Variants in PCDHGA2 observed in about 807,000 individuals in gnomAD.
The protein encoded by PCDHGA2 is protocadherin gamma-A2.
A neutral mutation model predicts 59.2 loss-of-function variants in PCDHGA2; 40 were observed. That is an observed-to-expected ratio of 0.68 (90% confidence interval 0.52 to 0.88). The LOEUF is 0.88. PCDHGA2 is among the 40% of genes least tolerant of loss of function. The pLI is 0.00. For synonymous variants in PCDHGA2, 560 were observed against 526.0 expected (o/e 1.06, Z -0.89); for missense variants, 1,226 against 1,204.0 (o/e 1.02, Z -0.27).
intron 1 of PCDHGA2, chr5:141,362,646 A>G: frequency 1.4e-6 from 2 of 1,452,328 alleles, no homozygotes; most frequent in Non-Finnish European, 1.8e-6. Context: ...TTTGTCTGTG[A>G]GTTAGATTTG....
intron 1 of PCDHGA2, chr5:141,414,963 G>T (rs2095808106): frequency 1.1e-5 from 17 of 1,614,006 alleles, no homozygotes; most frequent in Non-Finnish European, 1.4e-5. Context: ...CCAAGGTGGT[G>T]GCGGTGGACA....
At chr5:141,375,777 C>T in intron 1 of PCDHGA2, 1 of 1,614,250 alleles carries the variant, frequency 6.2e-7, no homozygotes, top group African/African-American at 1.3e-5. Flanking sequence ...ATCCTGTACC[C>T]CGCCCTCCCC....
chr5:141,390,098 C>A (rs2092044435), intron 1 of PCDHGA2: 1 of 1,613,924 alleles, frequency 6.2e-7, no homozygotes, highest in Non-Finnish European at 8.5e-7. Context: ...CCGTGGTTCC[C>A]CCCAACTACA....
rs753872678 is a variant in PCDHGA2, at chr5:141,431,407, C to G, written c.2425-63400C>G. 4 of 1,613,716 alleles carry G rather than the reference C, an allele frequency of 2.5e-6. No individual in the cohort carries two copies. Among genetic ancestry groups the G allele is most frequent in the Non-Finnish European group, 3.4e-6 (4 of 1,180,048 alleles). The stretch of plus-strand genomic sequence containing the variant: ...ACCACCTGGTCCTTACGGCCTCCGA[C>G]GGGGGCGACCCGGTGCGCACAGGCA... On this transcript the variant is annotated intron_variant, in intron 1 of 3. Coordinates refer to ENST00000394576, the MANE Select transcript of PCDHGA2 (RefSeq NM_018915.4). This position sits in a 1 kb window ranked among gnomAD's most constrained non-coding sequence, Gnocchi z 4.8.
chr5:141,510,798 A>G, intron 3 of PCDHGA2, 149 bp from the exon 4 acceptor site: 1 of 1,474,326 alleles, frequency 6.8e-7, no homozygotes, highest in South Asian at 1.3e-5. Context: ...GTGAAGAGAG[A>G]CTACCTTGGT....
Position 141,403,252 on chromosome 5 carries a change from G to A in PCDHGA2, c.2424+61857G>A, listed in dbSNP as rs180687908. 8.6e-4 allele frequency: 1,389 copies of A among 1,613,900 alleles called. 2 individuals carry two copies. Among genetic ancestry groups the A allele is most frequent in the Non-Finnish European group, 1.1e-3 (1,338 of 1,179,904 alleles). On this transcript the variant is annotated intron_variant, in intron 1 of 3. Transcript: ENST00000394576. Reference sequence around the variant, plus strand: ...GGGAGGAGCTCTGTGCTCAGAGCCCGCGGTGTCTGGTGAACTTTAAAGTCC... The same window carrying A: ...GGGAGGAGCTCTGTGCTCAGAGCCCACGGTGTCTGGTGAACTTTAAAGTCC...
chr5:141,509,308 C>G (rs943174290), intron 3 of PCDHGA2, among the ~76,000 whole-genome samples: 6 of 152,152 alleles, frequency 3.9e-5, no homozygotes, highest in African/African-American at 1.4e-4. Flanking sequence ...CAGAGGGAGG[C>G]TGGGAGAGAA....
rs1763342277 is a variant in PCDHGA2, at chr5:141,364,464, T to C, written c.2424+23069T>C. 1.2e-6 allele frequency: 2 copies of C among 1,613,996 alleles called. No individual in the cohort carries two copies. The highest frequency in any genetic ancestry group is 1.3e-5 in the African/African-American group (1 of 75,072). On this transcript the variant is annotated intron_variant, in intron 1 of 3. Transcript: ENST00000394576. The stretch of plus-strand genomic sequence containing the variant: ...GAGGAGCTGGACAAAGGCTCCTTCG[T>C]CGGCAACATAGCCAAGGACCTTGGG...
intron 1 of PCDHGA2, among the ~76,000 whole-genome samples, chr5:141,464,442 G>A (rs890758574): frequency 3.3e-5 from 5 of 151,500 alleles, no homozygotes; most frequent in African/African-American, 1.2e-4. Flanking sequence ...TATGTTTGTT[G>A]TTGTTGTTGT....
At chr5:141,424,762 A>T (rs1002777641) in intron 1 of PCDHGA2, 8 of 152,124 alleles carry the variant, frequency 5.3e-5, no homozygotes, top group African/African-American at 1.9e-4. Context: ...GGTCATTCTT[A>T]TGGCAAATAG....
At chr5:141,355,411 A>G (rs1759844288) in intron 1 of PCDHGA2, 3 of 1,613,986 alleles carry the variant, frequency 1.9e-6, no homozygotes, top group African/African-American at 2.7e-5. Context: ...CTCCAGAGGT[A>G]GGACGCAGCT....
intron 1 of PCDHGA2, chr5:141,422,627 C>T: frequency 6.2e-7 from 1 of 1,613,350 alleles, no homozygotes; most frequent in Non-Finnish European, 8.5e-7. Flanking sequence ...GAAAACAACC[C>T]CAGGGGTGCC....
chr5:141,356,586 T>A (rs898846586), intron 1 of PCDHGA2: 1 of 1,614,176 alleles, frequency 6.2e-7, no homozygotes, highest in Non-Finnish European at 8.5e-7. Flanking sequence ...CTTACATTCC[T>A]GAAAACAACC....
chr5:141,339,759 C>A lies in PCDHGA2; in HGVS notation c.788C>A (p.Thr263Lys). 1 of 1,614,120 alleles carries A rather than the reference C, an allele frequency of 6.2e-7. No homozygotes were observed. Among genetic ancestry groups the A allele is most frequent in the Middle Eastern group, 1.7e-4 (1 of 6,058 alleles). The part of the protein sequence containing the change: ...ENTLVGTRIL[T>K]VTATDADEGY... The stretch of plus-strand genomic sequence containing the variant: ...ACGCTCGTGGGCACCCGGATACTCA[C>A]GGTGACCGCCACTGACGCAGATGAG... Residue 263 changes from threonine to lysine, a missense_variant, in exon 1 of 4, where the codon ACG (threonine) becomes AAG (lysine). By Grantham distance (78) the Thr-to-Lys change is moderately conservative. Transcript: ENST00000394576.
intron 1 of PCDHGA2, among the ~76,000 whole-genome samples, chr5:141,462,086 A>C (rs993185274): frequency 6.6e-6 from 1 of 151,410 alleles, no homozygotes; most frequent in Non-Finnish European, 1.5e-5. Flanking sequence ...GCCTCCCAAA[A>C]TGCTGGGATT....
Position 141,485,585 on chromosome 5 carries a change from C to G in PCDHGA2, c.2425-9222C>G, listed in dbSNP as rs373987810. The G allele has an allele frequency of 7.4e-6, 12 of 1,612,204 alleles. No individual in the cohort carries two copies. The highest frequency in any genetic ancestry group is 1.0e-5 in the Non-Finnish European group (12 of 1,178,590). On this transcript the variant is annotated intron_variant, in intron 1 of 3. Transcript: ENST00000394576. The surrounding 1 kb of genome is among the most constrained non-coding windows in gnomAD (Gnocchi z 5.7). ...CGCCCCCCGTTTTCCGCGGCAGCAG[C>G]TGGACTTGGAAATTGGGGAGGCAGC...
At chr5:141,356,034 G>A (rs374294861) in intron 1 of PCDHGA2, 39 of 1,613,910 alleles carry the variant, frequency 2.4e-5, no homozygotes, top group South Asian at 1.2e-4. Context: ...GAGACGTGAC[G>A]TATTCTTTCC....
rs140093062 is a variant in PCDHGA2, at chr5:141,346,666, C to A, written c.2424+5271C>A. On this transcript the variant is annotated intron_variant, in intron 1 of 3. Coordinates refer to ENST00000394576, the MANE Select transcript of PCDHGA2 (RefSeq NM_018915.4). ...GAGTGGGCTTAGGGAAAAAATAATA[C>A]ATCGTGAGTGAAAGTAAAGTGTCAC... 4.3e-3 allele frequency: 3,084 copies of A among 716,572 alleles called. 19 individuals carry two copies. Among genetic ancestry groups the A allele is most frequent in the Admixed American group, 0.01 (343 of 33,036 alleles). The allele number at this position is 716,572 out of a possible 1,614,324, so 44.4% of individuals were successfully genotyped here.
chr5:141,490,640 G>C lies in PCDHGA2; in HGVS notation c.2425-4167G>C, dbSNP rs774630488. 1 of 1,614,122 alleles carries C rather than the reference G, an allele frequency of 6.2e-7. No individual in the cohort carries two copies. The highest frequency in any genetic ancestry group is 8.5e-7 in the Non-Finnish European group (1 of 1,180,012). On this transcript the variant is annotated intron_variant, in intron 1 of 3. Coordinates refer to ENST00000394576, the MANE Select transcript of PCDHGA2 (RefSeq NM_018915.4). This position sits in a 1 kb window ranked among gnomAD's most constrained non-coding sequence, Gnocchi z 5.4. The stretch of plus-strand genomic sequence containing the variant: ...TACACTGCTTACATCCTAGAAAACC[G>C]GCCTCCGGGCTCCCTTCTTTGCACT...
Sources: allele counts gnomAD v4.1 joint callset (sites outside exome capture counted in the v4.1 genomes callset), GRCh38; gene constraint gnomAD v4.1.1; non-coding constraint Gnocchi (gnomAD v3.1); transcripts MANE v1.5; gene names NCBI Gene and HGNC (gene_info 2026-07-23, HGNC 2026-07-21).